ETFA: variants seen among roughly 807,000 people sequenced by gnomAD.
ETFA encodes electron transfer flavoprotein subunit alpha, mitochondrial.
ETFA carries 22 observed loss-of-function variants against 46.2 expected under a neutral mutation model. The ratio of observed to expected loss-of-function variants is 0.48; its 90% CI spans 0.34 to 0.68. The LOEUF is 0.68. Ranked by LOEUF, ETFA falls within the 30% of genes least tolerant of loss-of-function variation. The pLI is 0.01. For synonymous variants in ETFA, 131 were observed against 139.9 expected, an observed-to-expected ratio of 0.94 and a Z score of 0.45; for missense variants, 345 against 401.1, an observed-to-expected ratio of 0.86 and a Z score of 1.19.
At chr15:76,296,943 T>C (rs2039830874) in intron 1 of ETFA, among the ~76,000 whole-genome samples, 1 of 152,188 alleles carries the variant, frequency 6.6e-6, no homozygotes, top group Non-Finnish European at 1.5e-5. Flanking sequence ...TGTTCTATCA[T>C]GTGAAAAGAT....
intron 2 of ETFA, among the ~76,000 whole-genome samples, chr15:76,294,817 G>A (rs147769885): frequency 0.021 from 3,214 of 152,176 alleles, 106 homozygotes; most frequent in African/African-American, 0.074. Context: ...CCAAAGTCCT[G>A]GGATTATAGG....
chr15:76,307,637 C>A (rs2039950995), intron 1 of ETFA, among the ~76,000 whole-genome samples: 1 of 151,708 alleles, frequency 6.6e-6, no homozygotes, highest in Non-Finnish European at 1.5e-5. Flanking sequence ...CAGGTGTGAA[C>A]CATGGCGCCT....
chr15:76,260,134 C>T, intron 9 of ETFA: 1 of 1,478,774 alleles, frequency 6.8e-7, no homozygotes, highest in South Asian at 1.1e-5. Flanking sequence ...CTCTCCTTTG[C>T]CCTATATCCA....
At chr15:76,288,799 T>C (rs1171577846) in intron 4 of ETFA, among the ~76,000 whole-genome samples, 1 of 150,538 alleles carries the variant, frequency 6.6e-6, no homozygotes, top group African/African-American at 2.4e-5. Context: ...AAAAATAAAA[T>C]AAAGGTGTGT....
intron 8 of ETFA, among the ~76,000 whole-genome samples, chr15:76,279,737 T>C (rs1428538661): frequency 6.6e-6 from 1 of 152,086 alleles, no homozygotes; most frequent in East Asian, 1.9e-4. Context: ...TTGATCAATT[T>C]TTTCCCCCCT....
At chr15:76,261,168 G>C (rs144778057) in intron 9 of ETFA, 1 of 1,531,408 alleles carries the variant, frequency 6.5e-7, no homozygotes, top group Non-Finnish European at 9.0e-7. Context: ...CAGGTCCCCC[G>C]ATCTTCGTAG....
At chr15:76,296,041 G>A (rs1269093743) in intron 1 of ETFA, among the ~76,000 whole-genome samples, 2 of 142,712 alleles carry the variant, frequency 1.4e-5, no homozygotes, top group Non-Finnish European at 3.0e-5. Flanking sequence ...CACCTCCCAG[G>A]TTCATGCCAT....
chr15:76,298,060 T>A (rs988014088), intron 1 of ETFA, among the ~76,000 whole-genome samples: 1 of 150,890 alleles, frequency 6.6e-6, no homozygotes, highest in Non-Finnish European at 1.5e-5. Flanking sequence ...TTTTTTTTTT[T>A]GAGAGAGAGT....
Position 76,222,149 on chromosome 15 carries a change from T to C in ETFA, c.963+3700A>G, listed in dbSNP as rs994115757. ...CACCCATAATTTGTATAATTAATTG[T>C]ATTTCTTAATGTTATATAAAGATAT... On this transcript the variant is annotated intron_variant, in intron 11 of 11. Coordinates refer to ENST00000557943, the MANE Select transcript of ETFA (RefSeq NM_000126.4). 3.3e-5 allele frequency among the ~76,000 whole-genome samples: 5 copies of C among 150,974 alleles called. No homozygotes were observed. In the South Asian group the frequency reaches 8.3e-4, roughly 25 times the overall value.
chr15:76,309,263 C>T (rs533017229), intron 1 of ETFA, among the ~76,000 whole-genome samples: 3 of 152,314 alleles, frequency 2.0e-5, no homozygotes, highest in African/African-American at 4.8e-5. Flanking sequence ...TACCGGCTAA[C>T]ACAGTGAAAC....
intron 11 of ETFA, among the ~76,000 whole-genome samples, chr15:76,218,143 A>G (rs1406096446): frequency 6.6e-6 from 1 of 152,278 alleles, no homozygotes; most frequent in East Asian, 1.9e-4. Context: ...GAAGTGAAAC[A>G]CTAATTTGGT....
chr15:76,218,209 T>A (rs1448042738), intron 11 of ETFA, among the ~76,000 whole-genome samples: 1 of 152,258 alleles, frequency 6.6e-6, no homozygotes, highest in African/African-American at 2.4e-5. Context: ...ACACTCCCCA[T>A]GAAAGGGTTG....
At chr15:76,216,715 A>G in intron 11 of ETFA, 118 bp from the exon 12 acceptor site, 2 of 722,936 alleles carry the variant, frequency 2.8e-6, no homozygotes, top group African/African-American at 1.7e-5. Context: ...TTGAGGCACG[A>G]GGGCCCCCTC....
chr15:76,270,418 G>A (rs896253012), intron 9 of ETFA, among the ~76,000 whole-genome samples: 1 of 152,118 alleles, frequency 6.6e-6, no homozygotes, highest in Non-Finnish European at 1.5e-5. Flanking sequence ...ATATACAACT[G>A]ATACAGAAAT....
intron 1 of ETFA, 83 bp downstream of exon 1, chr15:76,311,267 G>A: frequency 6.9e-7 from 1 of 1,459,336 alleles, no homozygotes; most frequent in Non-Finnish European, 9.3e-7. Flanking sequence ...ATCTGAGGGG[G>A]CCAGTGATCT....
chr15:76,295,803 T>TTA, intron 1 of ETFA, 66 bp from the exon 2 acceptor site: 1 of 1,179,776 alleles, frequency 8.5e-7, no homozygotes. Context: ...TTTTTTTTTT[T>TTA]ACTAATTGTT....
chr15:76,233,547 C>A lies in ETFA; in HGVS notation c.817-2149G>T, dbSNP rs559075737. Among the ~76,000 whole-genome samples the A allele has an allele frequency of 2.6e-5, 4 of 152,206 alleles. No homozygotes were observed. The East Asian group carries it at 7.7e-4, about 29-fold the overall frequency. On this transcript the variant is annotated intron_variant, in intron 9 of 11. Transcript: ENST00000557943. ...GTTTCACTATGTTGGCCAGGCTGGT[C>A]TCGAACTCCTGACCTTGTGATCCAC...
At chr15:76,281,895 T>TC (rs2039656454) in intron 8 of ETFA, among the ~76,000 whole-genome samples, 2 of 103,736 alleles carry the variant, frequency 1.9e-5, no homozygotes, top group Admixed American at 1.3e-4. Flanking sequence ...ATTACACGTA[T>TC]CCTTTTTTTT....
At chr15:76,258,475 C>T (rs1233390339) in intron 9 of ETFA, among the ~76,000 whole-genome samples, 1 of 152,144 alleles carries the variant, frequency 6.6e-6, no homozygotes, top group Non-Finnish European at 1.5e-5. Context: ...AGATACCCAC[C>T]CCTTACCAAC....
Sources: allele counts gnomAD v4.1 joint callset (sites outside exome capture counted in the v4.1 genomes callset), GRCh38; gene constraint gnomAD v4.1.1; transcripts MANE v1.5; gene names NCBI Gene and HGNC (gene_info 2026-07-23, HGNC 2026-07-21).